PDS5B: variants seen among roughly 807,000 people sequenced by gnomAD.
PDS5B encodes the protein sister chromatid cohesion protein PDS5 homolog B.
PDS5B carries 51 observed loss-of-function variants against 184.1 expected under a neutral mutation model. The observed-to-expected ratio is 0.28, with a 90% confidence interval of 0.22 to 0.35. The LOEUF is 0.35. PDS5B is among the 10% of genes least tolerant of loss of function. The pLI, the probability that PDS5B is intolerant of heterozygous loss-of-function variation, is 1.00. For synonymous variants in PDS5B, 566 were observed against 569.2 expected, an observed-to-expected ratio of 0.99 and a Z score of 0.08; for missense variants, 1,180 against 1,723.3, an observed-to-expected ratio of 0.68 and a Z score of 5.58.
intron 14 of PDS5B, among the ~76,000 whole-genome samples, chr13:32,696,121 T>A (rs1027278959): frequency 2.9e-4 from 44 of 152,148 alleles, no homozygotes; most frequent in African/African-American, 8.9e-4. Flanking sequence ...TCTCAGTTCC[T>A]CTTAGCAAGC....
rs1950936299 is a variant in PDS5B, at chr13:32,671,579, A to G, written c.706-1637A>G. ...TCTTCCCATAAAATTGATAAATAGG[A>G]AGGACAAACAAGTTCTTTTTAAAAC... On this transcript the variant is annotated intron_variant, in intron 7 of 34. Transcript: ENST00000315596. Among the ~76,000 whole-genome samples, 4 of 152,202 alleles carry G rather than the reference A, an allele frequency of 2.6e-5. No homozygotes were observed. The South Asian group carries it at 8.3e-4, about 32-fold the overall frequency.
chr13:32,665,458 G>T (rs979420794), intron 6 of PDS5B, among the ~76,000 whole-genome samples: 1 of 151,158 alleles, frequency 6.6e-6, no homozygotes, highest in Admixed American at 6.6e-5. Context: ...GCGTGGTGGC[G>T]GGCGCCTGTA....
chr13:32,642,685 T>G (rs1950129198), intron 1 of PDS5B, among the ~76,000 whole-genome samples: 1 of 152,144 alleles, frequency 6.6e-6, no homozygotes, highest in Non-Finnish European at 1.5e-5. Context: ...CTTAGCTCCC[T>G]TTACTTCCTT....
chr13:32,655,374 A>ATATATATATATATATTTTTTTT, intron 3 of PDS5B, among the ~76,000 whole-genome samples: 3 of 72,462 alleles, frequency 4.1e-5, no homozygotes, highest in African/African-American at 2.5e-4. Flanking sequence ...ATATATATAT[A>ATATATATATATATATTTTTTTT]TTTTTTTTTT....
At chr13:32,696,130 G>A (rs1951696039) in intron 14 of PDS5B, among the ~76,000 whole-genome samples, 2 of 152,080 alleles carry the variant, frequency 1.3e-5, no homozygotes, top group African/African-American at 4.8e-5. Context: ...CTCTTAGCAA[G>A]CTCATTCTCA....
intron 21 of PDS5B, among the ~76,000 whole-genome samples, chr13:32,737,314 C>T (rs185317606): frequency 6.6e-5 from 10 of 152,210 alleles, no homozygotes; most frequent in African/African-American, 1.4e-4. Context: ...TTTTTCTGGT[C>T]ACCTTATGTC....
At chr13:32,634,583 C>CTTTTTTTT (rs34358183) in intron 1 of PDS5B, among the ~76,000 whole-genome samples, 1 of 138,552 alleles carries the variant, frequency 7.2e-6, no homozygotes. Context: ...TTACATTTAA[C>CTTTTTTTT]TTTTTTTTTT....
intron 19 of PDS5B, among the ~76,000 whole-genome samples, chr13:32,722,132 A>G (rs1008892178): frequency 3.3e-5 from 5 of 152,250 alleles, no homozygotes; most frequent in Non-Finnish European, 7.3e-5. Flanking sequence ...AGGCGGGCAG[A>G]TCACTTGAGG....
rs899269588 is a variant in PDS5B, at chr13:32,709,845, T to A, written c.1963-101T>A. The A allele has an allele frequency of 7.1e-5, 47 of 663,068 alleles. 1 individual carries two copies. Among genetic ancestry groups the A allele is most frequent in the Admixed American group, 6.4e-4 (17 of 26,652 alleles). The allele number at this position is 663,068 out of a possible 1,614,324, so 41.1% of individuals were successfully genotyped here. A position where few individuals can be genotyped will look rare whatever the true frequency, so the allele number is the denominator to read the frequency against. On this transcript the variant is annotated intron_variant, in intron 18 of 34. Transcript: ENST00000315596. ...AGATTTTGGTCAACATAATTTTTTT[T>A]AATAGACTTTGATTTATAGTATTTC... is the stretch of plus-strand genomic sequence containing the variant.
chr13:32,740,887 G>T (rs187913535), intron 21 of PDS5B, among the ~76,000 whole-genome samples, 193 bp from the exon 22 acceptor site: 11 of 151,922 alleles, frequency 7.2e-5, no homozygotes, highest in Non-Finnish European at 1.2e-4. Context: ...GTACATAGGC[G>T]CTAGTGAAGG....
At chr13:32,612,988 G>A (rs923880009) in intron 1 of PDS5B, among the ~76,000 whole-genome samples, 1 of 152,154 alleles carries the variant, frequency 6.6e-6, no homozygotes, top group African/African-American at 2.4e-5. Context: ...TGAACATTGC[G>A]TATTAATGAA....
chr13:32,756,541 T>C (rs1261576533), intron 26 of PDS5B, among the ~76,000 whole-genome samples: 1 of 152,184 alleles, frequency 6.6e-6, no homozygotes, highest in Non-Finnish European at 1.5e-5. Context: ...TATAGTGATA[T>C]TTAGAGAAAT....
chr13:32,706,072 G>A (rs1340754318), intron 17 of PDS5B, among the ~76,000 whole-genome samples: 2 of 151,994 alleles, frequency 1.3e-5, no homozygotes, highest in Non-Finnish European at 2.9e-5. Flanking sequence ...CAGGTCAGGA[G>A]TTTGAGACCA....
chr13:32,598,192 C>T (rs1309927015), intron 1 of PDS5B, among the ~76,000 whole-genome samples: 1 of 151,996 alleles, frequency 6.6e-6, no homozygotes, highest in Non-Finnish European at 1.5e-5. Flanking sequence ...TCTGCCTCAG[C>T]CTCTCAAGTA....
chr13:32,679,413 C>CAGAT (rs1704437091), intron 10 of PDS5B, among the ~76,000 whole-genome samples: 1 of 152,122 alleles, frequency 6.6e-6, no homozygotes, highest in Admixed American at 6.5e-5. Flanking sequence ...CCAAGGTGGG[C>CAGAT]AGATCACCTG....
chr13:32,682,073 T>G (rs1951264050), intron 10 of PDS5B, among the ~76,000 whole-genome samples: 1 of 152,218 alleles, frequency 6.6e-6, no homozygotes, highest in Admixed American at 6.5e-5. Flanking sequence ...TATGGAAAGC[T>G]CTGTGAATCC....
chr13:32,727,637 G>A (rs960832333), intron 19 of PDS5B, among the ~76,000 whole-genome samples: 1 of 151,962 alleles, frequency 6.6e-6, no homozygotes, highest in African/African-American at 2.4e-5. Context: ...ATTATCTTCC[G>A]GATTGCAGAT....
intron 9 of PDS5B, among the ~76,000 whole-genome samples, chr13:32,678,061 C>T (rs1951120304): frequency 6.6e-6 from 1 of 151,732 alleles, no homozygotes. Context: ...GATCTAACTA[C>T]CAGTTTACAG....
In PDS5B at chr13:32,770,272, C is replaced by A; in HGVS notation, c.3776C>A (p.Ser1259Tyr). The A allele has an allele frequency of 6.2e-7, 1 of 1,613,878 alleles. No individual in the cohort carries two copies. Among genetic ancestry groups the A allele is most frequent in the Non-Finnish European group, 8.5e-7 (1 of 1,179,970 alleles). The change falls in exon 32 of 35, where the codon TCT (serine) becomes TAT (tyrosine). Residue 1259 changes from serine to tyrosine, a missense_variant. Ser to Tyr is a moderately radical substitution (Grantham distance 144). This residue lies in a region of PDS5B where 465 missense variants were observed against 497.8 expected (regional missense o/e 0.93). Transcript: ENST00000315596. The stretch of plus-strand genomic sequence containing the variant: ...AAAAGAGGCCATACGGCTTCAGAAT[C>A]TGATGAACAGCAGTGGCCTGAGGAA... ...SRKRGHTASE[S>Y]DEQQWPEEKR...
Sources: gnomAD v4.1 joint callset for allele counts (sites outside exome capture counted in the v4.1 genomes callset) on GRCh38, gnomAD v4.1.1 for gene constraint, gnomAD v4.1.1 regional missense constraint, MANE v1.5 for transcripts, NCBI Gene and HGNC (gene_info 2026-07-23, HGNC 2026-07-21) for gene names.